Variants in LDB2 observed in about 807,000 individuals in gnomAD.
LDB2 encodes LIM domain binding 2.
LDB2 carries 12 observed loss-of-function variants against 44.3 expected under a neutral mutation model. That is an observed-to-expected ratio of 0.27 (90% confidence interval 0.17 to 0.44). The LOEUF is 0.44. Ranked by LOEUF, LDB2 falls within the 20% of genes least tolerant of loss-of-function variation. The pLI is 1.00. For missense variants in LDB2, 344 were observed against 473.5 expected (o/e 0.73, Z 2.54); for synonymous variants, 164 against 174.8 (o/e 0.94, Z 0.49).
At chr4:16,812,631 ATGTGTGTGTGTG>A (rs5856389) in intron 1 of LDB2, among the ~76,000 whole-genome samples, 2,033 of 126,034 alleles carry the variant, frequency 0.016, 71 homozygotes, top group African/African-American at 0.061. Flanking sequence ...TATTAAATAT[ATGTGTGTGTGTG>A]TGTGTGTGTG....
rs58460959 is a variant in LDB2, at chr4:16,592,505, T to TACACAC, written c.408+3192_408+3197dup. On this transcript the variant is annotated intron_variant, in intron 3 of 7. Transcript: ENST00000304523. Reference sequence around the variant, plus strand: ...ATATATATATATATATATATATATATACACACACACACACACAAACACACA... The same window carrying TACACAC: ...ATATATATATATATATATATATATATACACACACACACACACACACACAAACACACA... Among the ~76,000 whole-genome samples the TACACAC allele has an allele frequency of 3.3e-3, 359 of 107,782 alleles. 1 individual carries two copies. The highest frequency in any genetic ancestry group is 4.2e-3 in the Non-Finnish European group (232 of 55,516). 70.7% of individuals were successfully genotyped at this position (107,782 alleles called of 152,430 possible).
At chr4:16,877,457 A>G (rs191986227) in intron 1 of LDB2, among the ~76,000 whole-genome samples, 5 of 152,330 alleles carry the variant, frequency 3.3e-5, no homozygotes. Context: ...GTCATCTAGC[A>G]ACTAACTGGG....
chr4:16,575,951 G>C (rs1748124009), intron 5 of LDB2, among the ~76,000 whole-genome samples: 1 of 152,288 alleles, frequency 6.6e-6, no homozygotes. Context: ...TCTTGGACAG[G>C]CTGGTCTTGA....
chr4:16,596,899 T>C (rs1721103487), intron 2 of LDB2, among the ~76,000 whole-genome samples: 1 of 152,214 alleles, frequency 6.6e-6, no homozygotes, highest in Admixed American at 6.5e-5. Context: ...GAATTTTGCC[T>C]ATGTGCAGAT....
At chr4:16,871,703 TC>T in intron 1 of LDB2, among the ~76,000 whole-genome samples, 1 of 148,004 alleles carries the variant, frequency 6.8e-6, no homozygotes, top group African/African-American at 2.5e-5. Context: ...CACTGCAACC[TC>T]CGCCTCCCAG....
intron 5 of LDB2, among the ~76,000 whole-genome samples, chr4:16,556,384 G>C (rs1739599453): frequency 1.3e-5 from 2 of 152,202 alleles, no homozygotes; most frequent in South Asian, 4.1e-4. Flanking sequence ...TGATAAGCTT[G>C]GTGAGAGCAA....
At chr4:16,584,508 C>A (rs1330521040) in intron 5 of LDB2, among the ~76,000 whole-genome samples, 1 of 152,238 alleles carries the variant, frequency 6.6e-6, no homozygotes, top group African/African-American at 2.4e-5. Context: ...CGGTGCCTCA[C>A]TTTGCTACAG....
At chr4:16,774,873 A>C (rs1283642725) in intron 1 of LDB2, among the ~76,000 whole-genome samples, 1 of 152,246 alleles carries the variant, frequency 6.6e-6, no homozygotes, top group African/African-American at 2.4e-5. Context: ...ACTACAGCCA[A>C]GAAATGGAAA....
At chr4:16,819,092 TTGTGTGTGTG>T (rs34553159) in intron 1 of LDB2, among the ~76,000 whole-genome samples, 2,907 of 148,954 alleles carry the variant, frequency 0.02, 81 homozygotes, top group African/African-American at 0.061. Context: ...TTGTGGTTGC[TTGTGTGTGTG>T]TGTGTGTGTG....
At chr4:16,808,966 TGTGGCCCTGTTTTAA>T (rs1779281202) in intron 1 of LDB2, among the ~76,000 whole-genome samples, 1 of 152,210 alleles carries the variant, frequency 6.6e-6, no homozygotes, top group Non-Finnish European at 1.5e-5. Flanking sequence ...TTTTGCATTT[TGTGGCCCTGTTTTAA>T]GTTCTTACCA....
intron 2 of LDB2, among the ~76,000 whole-genome samples, chr4:16,630,766 G>GA (rs772709154): frequency 7.2e-5 from 11 of 151,858 alleles, no homozygotes; most frequent in Admixed American, 2.0e-4. Context: ...ATGGAAAGCC[G>GA]AAAAAAGCAG....
chr4:16,751,609 A>G (rs903618159), intron 2 of LDB2, among the ~76,000 whole-genome samples: 1 of 152,218 alleles, frequency 6.6e-6, no homozygotes, highest in African/African-American at 2.4e-5. Context: ...TAATGTCACA[A>G]GAATATTCTC....
intron 2 of LDB2, among the ~76,000 whole-genome samples, chr4:16,641,772 A>G (rs564264232): frequency 6.6e-6 from 1 of 152,256 alleles, no homozygotes; most frequent in South Asian, 2.1e-4. Flanking sequence ...ACACATATAC[A>G]AACTATGTCA....
chr4:16,862,371 C>T (rs1216603626), intron 1 of LDB2, among the ~76,000 whole-genome samples: 1 of 151,960 alleles, frequency 6.6e-6, no homozygotes, highest in Non-Finnish European at 1.5e-5. Context: ...TGCTGGCTTA[C>T]ACCTGTAATC....
At chr4:16,728,153 G>A (rs573198733) in intron 2 of LDB2, among the ~76,000 whole-genome samples, 2 of 152,054 alleles carry the variant, frequency 1.3e-5, no homozygotes, top group Non-Finnish European at 2.9e-5. Flanking sequence ...GGCAGGGTGT[G>A]GAAAGAAGGA....
intron 2 of LDB2, among the ~76,000 whole-genome samples, chr4:16,710,534 C>T (rs1755638908): frequency 6.6e-6 from 1 of 151,860 alleles, no homozygotes; most frequent in Non-Finnish European, 1.5e-5. Context: ...TGGGCAGGAC[C>T]CCAGAAGGTG....
At chr4:16,689,547 T>G (rs1484966631) in intron 2 of LDB2, among the ~76,000 whole-genome samples, 3 of 152,190 alleles carry the variant, frequency 2.0e-5, no homozygotes, top group South Asian at 2.1e-4. Flanking sequence ...ACAAAAGAGA[T>G]AAAATTCTGG....
intron 1 of LDB2, among the ~76,000 whole-genome samples, chr4:16,896,913 T>C (rs35107022): frequency 0.055 from 8,433 of 152,268 alleles, 266 homozygotes; most frequent in African/African-American, 0.065. Flanking sequence ...AACAGTTCAC[T>C]ATCCTAAGCA....
Position 16,743,381 on chromosome 4 carries a change from A to T in LDB2, c.235+15777T>A, listed in dbSNP as rs368882597. On this transcript the variant is annotated intron_variant, in intron 2 of 7. Transcript: ENST00000304523. ...GTAGAAAGAATTCTGAGTGGCCTCCAAGATTCCCACCCCTGGTATATGCAC... is the reference window on the plus strand; with the variant it reads ...GTAGAAAGAATTCTGAGTGGCCTCCTAGATTCCCACCCCTGGTATATGCAC... Among the ~76,000 whole-genome samples, 10 of 152,228 alleles carry T rather than the reference A, an allele frequency of 6.6e-5. 1 individual carries two copies. In the South Asian group the frequency reaches 1.2e-3, roughly 19 times the overall value.
Sources: allele counts gnomAD v4.1 joint callset (sites outside exome capture counted in the v4.1 genomes callset), GRCh38; gene constraint gnomAD v4.1.1; transcripts MANE v1.5; gene names NCBI Gene and HGNC (gene_info 2026-07-23, HGNC 2026-07-21).